The following RREB1 variants were observed in gnomAD, a reference collection of about 807,000 sequenced individuals.
The protein encoded by RREB1 is ras-responsive element-binding protein 1.
A neutral mutation model predicts 117.8 loss-of-function variants in RREB1; 27 were observed. The ratio of observed to expected loss-of-function variants is 0.23; its 90% CI spans 0.17 to 0.32. The LOEUF is 0.32. Among genes scored for constraint, RREB1 ranks in the 10% least tolerant of loss-of-function variants. The pLI, the probability that RREB1 is intolerant of heterozygous loss-of-function variation, is 1.00. For synonymous variants in RREB1, 1,298 were observed against 1,026.7 expected (o/e 1.26, Z -5.05); for missense variants, 2,577 against 2,378.2 (o/e 1.08, Z -1.74).
intron 1 of RREB1, among the ~76,000 whole-genome samples, chr6:7,120,878 G>A (rs1302156177): frequency 6.9e-6 from 1 of 145,382 alleles, no homozygotes; most frequent in African/African-American, 2.6e-5. Flanking sequence ...GGAGTGCTGT[G>A]GCACGATATT....
chr6:7,113,268 C>T (rs936539187), intron 1 of RREB1, among the ~76,000 whole-genome samples: 5 of 152,252 alleles, frequency 3.3e-5, no homozygotes, highest in African/African-American at 9.6e-5. Flanking sequence ...GAAGAGAAAA[C>T]GTCTCAGTGG....
rs1426210110 is a variant in RREB1, at chr6:7,230,226, T to A, written c.2127T>A (p.Thr709=). The change falls in exon 10 of 13, where the codon ACT becomes ACA. Residue 709 remains threonine, a synonymous_variant. Transcript: ENST00000379938. Reference sequence around the variant, plus strand: ...GCAAGATCTGCCACTACCCCTTCACTGTCAAAGCCAACTGCGAGCGGCACC... The same window carrying A: ...GCAAGATCTGCCACTACCCCTTCACAGTCAAAGCCAACTGCGAGCGGCACC... ...YICKICHYPF[T]VKANCERHLR... The A allele has an allele frequency of 1.9e-6, 3 of 1,604,332 alleles. No homozygotes were observed. Among genetic ancestry groups the A allele is most frequent in the East Asian group, 4.5e-5 (2 of 44,836 alleles).
chr6:7,210,740 T>A lies in RREB1; in HGVS notation c.426-64T>A. 2.0e-6 allele frequency: 3 copies of A among 1,475,934 alleles called. No individual in the cohort carries two copies. The South Asian group carries it at 3.9e-5, about 19-fold the overall frequency. The allele number at this position is 1,475,934 out of a possible 1,614,324, so 91.4% of individuals were successfully genotyped here. On this transcript the variant is annotated intron_variant, in intron 6 of 12. Coordinates refer to ENST00000379938, the MANE Select transcript of RREB1 (RefSeq NM_001003699.4). ...AGTACCAGTGCCTAAATATAAAATA[T>A]TAAAAACATAAATGAACTGACTTCT...
intron 6 of RREB1, among the ~76,000 whole-genome samples, chr6:7,196,240 T>G (rs1765671692): frequency 6.7e-6 from 1 of 149,264 alleles, no homozygotes; most frequent in South Asian, 2.1e-4. Flanking sequence ...TGTTTTTTTT[T>G]TTTTTTGCTG....
At chr6:7,111,449 C>G (rs1472343110) in intron 1 of RREB1, among the ~76,000 whole-genome samples, 1 of 152,078 alleles carries the variant, frequency 6.6e-6, no homozygotes, top group Non-Finnish European at 1.5e-5. Context: ...GAAGTGAATT[C>G]TTTTGATGTT....
In RREB1 at chr6:7,230,451, C is replaced by G. The variant is rs777078029; in HGVS notation, c.2352C>G (p.His784Gln). Residue 784 changes from histidine (H) to glutamine (Q), a missense_variant, in exon 10 of 13, where the codon CAC becomes CAG. His to Gln is a conservative substitution (Grantham distance 24, BLOSUM62 0). Transcript: ENST00000379938. ...THCGRGLGGG[H>Q]KGRKPFECKE... Reference sequence around the variant, plus strand: ...GCGGCCGCGGCCTGGGCGGGGGCCACAAGGGCCGCAAGCCCTTCGAGTGCA... The same window carrying G: ...GCGGCCGCGGCCTGGGCGGGGGCCAGAAGGGCCGCAAGCCCTTCGAGTGCA... 1 of 1,592,274 alleles carries G rather than the reference C, an allele frequency of 6.3e-7. No individual in the cohort carries two copies.
chr6:7,234,222 A>G (rs996562440), intron 10 of RREB1, among the ~76,000 whole-genome samples: 2 of 152,152 alleles, frequency 1.3e-5, no homozygotes, highest in Admixed American at 6.5e-5. Context: ...CCTTATAGCA[A>G]TGTCTTTTGC....
intron 1 of RREB1, among the ~76,000 whole-genome samples, chr6:7,111,774 G>A (rs1428294192): frequency 6.6e-6 from 1 of 152,118 alleles, no homozygotes; most frequent in Non-Finnish European, 1.5e-5. Context: ...CTTGTCTGGT[G>A]GACTTCTTGA....
At chr6:7,116,822 A>C (rs1180358172) in intron 1 of RREB1, among the ~76,000 whole-genome samples, 1 of 152,240 alleles carries the variant, frequency 6.6e-6, no homozygotes, top group Non-Finnish European at 1.5e-5. Context: ...GCCTGGTTGC[A>C]CTAAAAGCTG....
chr6:7,240,373 A>C, intron 10 of RREB1, 65 bp from the exon 11 acceptor site: 1 of 1,411,638 alleles, frequency 7.1e-7, no homozygotes, highest in Non-Finnish European at 9.8e-7. Flanking sequence ...GAATAAACAA[A>C]AGCGACTTTT....
chr6:7,201,265 C>G (rs1765961893), intron 6 of RREB1, among the ~76,000 whole-genome samples: 1 of 152,186 alleles, frequency 6.6e-6, no homozygotes, highest in Non-Finnish European at 1.5e-5. Flanking sequence ...CAAGAGGGAG[C>G]CTGACTTCCA....
At chr6:7,170,944 G>A (rs952494737) in intron 1 of RREB1, among the ~76,000 whole-genome samples, 1 of 152,090 alleles carries the variant, frequency 6.6e-6, no homozygotes, top group Non-Finnish European at 1.5e-5. Context: ...GCCCCCAGAG[G>A]GTTTCTGACT....
chr6:7,129,555 C>G (rs1399126967), intron 1 of RREB1, among the ~76,000 whole-genome samples: 1 of 152,248 alleles, frequency 6.6e-6, no homozygotes, highest in Non-Finnish European at 1.5e-5. Flanking sequence ...CAGGATGAAC[C>G]AAGAGGCAGC....
At chr6:7,218,216 T>C (rs1038099686) in intron 8 of RREB1, 1 of 152,178 alleles carries the variant, frequency 6.6e-6, no homozygotes, top group South Asian at 2.1e-4. Flanking sequence ...AAAAAGAAAA[T>C]TCACCCTTCT....
chr6:7,142,525 C>T (rs754428127), intron 1 of RREB1, among the ~76,000 whole-genome samples: 1 of 152,248 alleles, frequency 6.6e-6, no homozygotes, highest in Non-Finnish European at 1.5e-5. Context: ...GTTCCGGTGG[C>T]TAAAGGTTGC....
chr6:7,227,231 G>T (rs1241750363), intron 9 of RREB1, among the ~76,000 whole-genome samples: 1 of 152,002 alleles, frequency 6.6e-6, no homozygotes, highest in Admixed American at 6.6e-5. Context: ...GGCAGAGAGA[G>T]ATTGCCTCAA....
intron 5 of RREB1, among the ~76,000 whole-genome samples, chr6:7,188,957 T>C (rs751502282): frequency 6.6e-6 from 1 of 152,214 alleles, no homozygotes; most frequent in African/African-American, 2.4e-5. Flanking sequence ...AATGTGGGAA[T>C]GGAGGAATAT....
intron 1 of RREB1, among the ~76,000 whole-genome samples, chr6:7,152,467 T>C (rs1043018344): frequency 5.9e-5 from 9 of 152,388 alleles, no homozygotes; most frequent in African/African-American, 1.9e-4. Context: ...TGAATAGCTA[T>C]GAAACATATG....
Position 7,210,787 on chromosome 6 carries a change from G to A in RREB1, c.426-17G>A. The A allele has an allele frequency of 6.2e-7, 1 of 1,606,800 alleles. No individual in the cohort carries two copies. Among genetic ancestry groups the A allele is most frequent in the Non-Finnish European group, 8.5e-7 (1 of 1,175,916 alleles). The stretch of plus-strand genomic sequence containing the variant: ...TTCTTTGTTAGATCACATTGTGTGT[G>A]TGTTTGTTCTTTTCAGACATATGAA... On this transcript the variant is annotated splice_polypyrimidine_tract_variant and intron_variant, in intron 6 of 12. Coordinates refer to ENST00000379938, the MANE Select transcript of RREB1 (RefSeq NM_001003699.4).
Sources: allele counts gnomAD v4.1 joint callset (sites outside exome capture counted in the v4.1 genomes callset), GRCh38; gene constraint gnomAD v4.1.1; transcripts MANE v1.5; gene names NCBI Gene and HGNC (gene_info 2026-07-23, HGNC 2026-07-21).